The following TTC7B variants were observed in gnomAD, a reference collection of about 807,000 sequenced individuals.
TTC7B encodes the protein tetratricopeptide repeat protein 7B.
TTC7B carries 28 observed loss-of-function variants against 106.8 expected under a neutral mutation model. The observed-to-expected ratio is 0.26, with a 90% CI of 0.19 to 0.36. The LOEUF is 0.36. Ranked by LOEUF, TTC7B falls within the 10% of genes least tolerant of loss-of-function variation. TTC7B has a pLI of 1.00. For synonymous variants in TTC7B, 405 were observed against 430.6 expected (o/e 0.94, Z 0.74); for missense variants, 862 against 1,076.4 (o/e 0.80, Z 2.79).
chr14:90,681,098 T>C (rs564850293), intron 7 of TTC7B, among the ~76,000 whole-genome samples: 1 of 152,362 alleles, frequency 6.6e-6, no homozygotes, highest in Admixed American at 6.5e-5. Context: ...TTTTATGGAA[T>C]TTGGCTGAAC....
At chr14:90,708,719 G>A (rs1888314014) in intron 5 of TTC7B, among the ~76,000 whole-genome samples, 1 of 152,122 alleles carries the variant, frequency 6.6e-6, no homozygotes, top group Non-Finnish European at 1.5e-5. Flanking sequence ...GTAGCCCAAG[G>A]GTCAAGGAGT....
chr14:90,768,993 T>TG (rs767580211), intron 3 of TTC7B, among the ~76,000 whole-genome samples: 7 of 152,212 alleles, frequency 4.6e-5, no homozygotes, highest in Admixed American at 1.3e-4. Flanking sequence ...GCTTATGTTT[T>TG]GGGGTATACA....
intron 5 of TTC7B, among the ~76,000 whole-genome samples, chr14:90,726,817 C>T (rs1448254140): frequency 1.3e-5 from 2 of 152,186 alleles, no homozygotes; most frequent in Non-Finnish European, 2.9e-5. Context: ...GGAGCCTCAA[C>T]AAGATGTTTT....
intron 3 of TTC7B, among the ~76,000 whole-genome samples, chr14:90,777,017 C>G (rs965029859): frequency 6.6e-6 from 1 of 152,150 alleles, no homozygotes; most frequent in African/African-American, 2.4e-5. Flanking sequence ...GGGTGGATCA[C>G]CTGAGATCAG....
rs1893166268 is a variant in TTC7B at position 90,618,163 on chromosome 14, C to T, written c.1752-118G>A. On this transcript the variant is annotated intron_variant, in intron 15 of 19. Coordinates refer to ENST00000328459, the MANE Select transcript of TTC7B (RefSeq NM_001010854.2). ...AGCTGTACTCATTTCAGAAAGGGAA[C>T]ATCCACATGTGTGGTCCAAGGAAAG... The T allele has an allele frequency of 1.4e-5, 10 of 694,664 alleles. No individual in the cohort carries two copies. In the South Asian group the frequency reaches 1.8e-4, roughly 12 times the overall value. The allele number at this position is 694,664 out of a possible 1,614,324, so 43.0% of individuals were successfully genotyped here.
At chr14:90,733,215 C>A (rs1316882094) in intron 4 of TTC7B, among the ~76,000 whole-genome samples, 2 of 95,276 alleles carry the variant, frequency 2.1e-5, no homozygotes, top group Non-Finnish European at 4.6e-5. Context: ...TATTCCTCCA[C>A]AAAAACCCAC....
In TTC7B at chr14:90,541,276, G is replaced by T; in HGVS notation, c.*92C>A. On this transcript the variant is annotated 3_prime_UTR_variant, in exon 20 of 20. Coordinates refer to ENST00000328459, the MANE Select transcript of TTC7B (RefSeq NM_001010854.2). ...AACACTCGTCCCTGGCCTCAGTGTG[G>T]CAGATTCATCCCCTTGGGGCGATGG... 1 of 1,239,080 alleles carries T rather than the reference G, an allele frequency of 8.1e-7. No individual in the cohort carries two copies. The highest frequency in any genetic ancestry group is 1.1e-6 in the Non-Finnish European group (1 of 903,566). 76.8% of individuals were successfully genotyped at this position (1,239,080 alleles called of 1,614,324 possible).
intron 18 of TTC7B, among the ~76,000 whole-genome samples, chr14:90,584,917 C>T (rs1271561791): frequency 6.6e-6 from 1 of 152,074 alleles, no homozygotes; most frequent in African/African-American, 2.4e-5. Context: ...GAAAGGGATC[C>T]TGTGTCCTGA....
intron 1 of TTC7B, among the ~76,000 whole-genome samples, chr14:90,787,576 T>C (rs1007379623): frequency 3.9e-5 from 6 of 152,154 alleles, no homozygotes; most frequent in Admixed American, 2.0e-4. Context: ...ATTTACCTAT[T>C]ATATATGCAA....
chr14:90,794,812 A>G (rs754790590), intron 1 of TTC7B, among the ~76,000 whole-genome samples: 4 of 152,144 alleles, frequency 2.6e-5, no homozygotes, highest in Non-Finnish European at 5.9e-5. Context: ...TCACTCTCCC[A>G]ATCAGGAGGG....
intron 11 of TTC7B, among the ~76,000 whole-genome samples, chr14:90,655,871 A>T (rs181631545): frequency 1.1e-3 from 168 of 151,968 alleles, no homozygotes; most frequent in Middle Eastern, 3.4e-3. Context: ...ATTTTTTTTA[A>T]AAAAAAGAGG....
Position 90,530,459 on chromosome 14 carries a change from A to C in TTC7B, c.*10909T>G, listed in dbSNP as rs1889257501. On this transcript the variant is annotated 3_prime_UTR_variant, in exon 20 of 20. Transcript: ENST00000328459. ...TGCATCCTACTTTCTGGAACCTGTG[A>C]AGATGGTCACTTACCTGGCAAAAGG... The C allele has an allele frequency of 1.3e-5, 2 of 152,208 alleles. No homozygotes were observed. The highest frequency in any genetic ancestry group is 2.9e-5 in the Non-Finnish European group (2 of 68,040). 9.4% of individuals were successfully genotyped at this position (152,208 alleles called of 1,614,324 possible). A position where few individuals can be genotyped will look rare whatever the true frequency, so the allele number is the denominator to read the frequency against.
At chr14:90,559,970 C>T (rs72691729) in intron 19 of TTC7B, among the ~76,000 whole-genome samples, 48 of 152,352 alleles carry the variant, frequency 3.2e-4, no homozygotes, top group Non-Finnish European at 4.9e-4. Flanking sequence ...TTCCAGGGCT[C>T]GTTCCTTCCC....
At chr14:90,679,580 C>T (rs544801129) in intron 8 of TTC7B, among the ~76,000 whole-genome samples, 14 of 152,332 alleles carry the variant, frequency 9.2e-5, no homozygotes, top group Admixed American at 2.6e-4. Context: ...GCGTGATGCA[C>T]GCATTCCGCC....
chr14:90,811,822 TAAG>T (rs2140066584), intron 1 of TTC7B, among the ~76,000 whole-genome samples: 1 of 152,298 alleles, frequency 6.6e-6, no homozygotes, highest in Non-Finnish European at 1.5e-5. Flanking sequence ...CGAGCTTGCC[TAAG>T]AAGATTAACA....
intron 9 of TTC7B, among the ~76,000 whole-genome samples, chr14:90,674,588 GC>G (rs1449234687): frequency 3.9e-5 from 6 of 152,216 alleles, no homozygotes; most frequent in Non-Finnish European, 8.8e-5. Flanking sequence ...GTGAGCAGGG[GC>G]CACACCTTGC....
intron 1 of TTC7B, among the ~76,000 whole-genome samples, chr14:90,804,289 A>ATGG (rs2030466776): frequency 1.3e-5 from 2 of 151,792 alleles, no homozygotes; most frequent in African/African-American, 4.8e-5. Context: ...AGCCAAGATC[A>ATGG]CCACTGCACT....
At chr14:90,605,610 C>T (rs1459146425) in intron 17 of TTC7B, 1 of 1,283,248 alleles carries the variant, frequency 7.8e-7, no homozygotes, top group Non-Finnish European at 1.0e-6. Context: ...GAGAGGGTTC[C>T]CGGCGGGGAC....
At chr14:90,776,947 G>C (rs1329388331) in intron 3 of TTC7B, among the ~76,000 whole-genome samples, 1 of 152,206 alleles carries the variant, frequency 6.6e-6, no homozygotes, top group African/African-American at 2.4e-5. Flanking sequence ...GGCAAAGACT[G>C]AATGAAGGCT....
Sources: gnomAD v4.1 joint callset for allele counts (sites outside exome capture counted in the v4.1 genomes callset) on GRCh38, gnomAD v4.1.1 for gene constraint, MANE v1.5 for transcripts, NCBI Gene and HGNC (gene_info 2026-07-23, HGNC 2026-07-21) for gene names.